ST3GAL5: variants seen among roughly 807,000 people sequenced by gnomAD.
ST3GAL5 encodes lactosylceramide alpha-2,3-sialyltransferase.
ST3GAL5 carries 25 observed loss-of-function variants against 46.1 expected under a neutral mutation model. That is an observed-to-expected ratio of 0.54 (90% CI 0.40 to 0.76). The LOEUF is 0.76. Among genes scored for constraint, ST3GAL5 ranks in the 30% least tolerant of loss-of-function variants. The probability of loss-of-function intolerance (pLI) is 0.00; values close to 1 mark genes in which losing one functional copy is unlikely to be tolerated. For missense variants in ST3GAL5, 431 were observed against 521.2 expected, an observed-to-expected ratio of 0.83 and a Z score of 1.69; for synonymous variants, 182 against 192.7, an observed-to-expected ratio of 0.94 and a Z score of 0.46.
chr2:85,865,509 TCTG>T (rs1298288479), intron 1 of ST3GAL5, among the ~76,000 whole-genome samples: 4 of 152,350 alleles, frequency 2.6e-5, no homozygotes, highest in African/African-American at 9.6e-5. Flanking sequence ...TGCTGAAGAA[TCTG>T]CTGAATTATT....
chr2:85,885,156 A>C, intron 1 of ST3GAL5, among the ~76,000 whole-genome samples: 1 of 152,234 alleles, frequency 6.6e-6, no homozygotes, highest in Non-Finnish European at 1.5e-5. Flanking sequence ...GATAATTTTT[A>C]GCAGAAATGC....
intron 3 of ST3GAL5, chr2:85,856,348 T>C (rs1000933343): frequency 2.0e-5 from 3 of 152,048 alleles, no homozygotes; most frequent in African/African-American, 7.2e-5. Flanking sequence ...GACCATGAAA[T>C]GAATAACATG....
intron 1 of ST3GAL5, among the ~76,000 whole-genome samples, chr2:85,885,607 T>C (rs149676108): frequency 0.02 from 3,099 of 152,090 alleles, 96 homozygotes; most frequent in African/African-American, 0.072. Flanking sequence ...GGTGGGCGGA[T>C]CACGAGGTCA....
intron 6 of ST3GAL5, among the ~76,000 whole-genome samples, chr2:85,841,846 A>G (rs568951079): frequency 6.6e-6 from 1 of 152,264 alleles, no homozygotes; most frequent in Non-Finnish European, 1.5e-5. Flanking sequence ...AGCCTTGGGT[A>G]AAAACAGTAC....
chr2:85,860,170 TA>T (rs1187238037), intron 3 of ST3GAL5, among the ~76,000 whole-genome samples: 1 of 152,218 alleles, frequency 6.6e-6, no homozygotes, highest in African/African-American at 2.4e-5. Flanking sequence ...CTAATATTAC[TA>T]ATACACTTTT....
chr2:85,878,723 A>G (rs1686843790), intron 1 of ST3GAL5, among the ~76,000 whole-genome samples: 1 of 152,212 alleles, frequency 6.6e-6, no homozygotes, highest in African/African-American at 2.4e-5. Flanking sequence ...TCCTCTTTAA[A>G]TGAATAATCC....
intron 1 of ST3GAL5, among the ~76,000 whole-genome samples, chr2:85,884,819 C>A (rs1687570830): frequency 6.6e-6 from 1 of 152,178 alleles, no homozygotes; most frequent in Non-Finnish European, 1.5e-5. Flanking sequence ...GAACTCAATA[C>A]ACATAAGCTC....
At chr2:85,868,348 C>T (rs1288200403) in intron 1 of ST3GAL5, among the ~76,000 whole-genome samples, 3 of 152,222 alleles carry the variant, frequency 2.0e-5, no homozygotes, top group Non-Finnish European at 4.4e-5. Context: ...GTCACCCTGG[C>T]TGGAGTACAG....
At chr2:85,874,586 T>C (rs187659130) in intron 1 of ST3GAL5, among the ~76,000 whole-genome samples, 129 of 152,138 alleles carry the variant, frequency 8.5e-4, no homozygotes, top group Non-Finnish European at 1.5e-3. Context: ...ACCCCCTCAC[T>C]TTCCTGCTTT....
rs760869528 is a variant in ST3GAL5, at chr2:85,840,164, C to G, written c.1237G>C (p.Gly413Arg). The stretch of plus-strand genomic sequence containing the variant: ...TGTGTTCAAAATTCACGATCAATGC[C>G]TCCACTGAGATCTTTCACCACTCCC... ...KEGVVKDLSG[G>R]IDREF Residue 413 changes from glycine (G) to arginine (R), a missense_variant, in exon 7 of 7, where the codon GGC becomes CGC. By Grantham distance (125) the Gly-to-Arg change is moderately radical. Coordinates refer to ENST00000638572, the MANE Select transcript of ST3GAL5 (RefSeq NM_003896.4). 2 of 1,614,206 alleles carry G rather than the reference C, an allele frequency of 1.2e-6. No homozygotes were observed. The highest frequency in any genetic ancestry group is 1.7e-6 in the Non-Finnish European group (2 of 1,180,036).
chr2:85,859,371 G>GGATGTCT (rs1265272974), intron 3 of ST3GAL5, among the ~76,000 whole-genome samples: 3 of 152,176 alleles, frequency 2.0e-5, no homozygotes, highest in Non-Finnish European at 4.4e-5. Flanking sequence ...AACAGAGACA[G>GGATGTCT]GATGTCTAAA....
intron 1 of ST3GAL5, among the ~76,000 whole-genome samples, chr2:85,874,332 G>A (rs1210585986): frequency 1.3e-5 from 2 of 152,142 alleles, no homozygotes; most frequent in Non-Finnish European, 2.9e-5. Flanking sequence ...CAGCACGCAC[G>A]ATGGGATTTC....
At position 85,863,413 on chromosome 2, in the gene ST3GAL5, C is replaced by T. The variant is rs141917910; in HGVS notation, c.155G>A (p.Arg52Gln). 1.8e-4 allele frequency: 286 copies of T among 1,614,160 alleles called. 1 individual carries two copies. In the African/African-American group the frequency reaches 2.9e-3, roughly 16 times the overall value. Residue 52 changes from arginine (R) to glutamine (Q), a missense_variant, in exon 2 of 7, where the codon CGA (arginine) becomes CAA (glutamine). By Grantham distance (43) the Arg-to-Gln change is conservative. Transcript: ENST00000638572. ...CSRPSLQWYT[R>Q]AQSKMRRPSL... Reference sequence around the variant, plus strand: ...GGGCCTTCTCATCTTGCTTTGAGCTCGGGTGTACCATTGCAGGGAAGGCCT... The same window carrying T: ...GGGCCTTCTCATCTTGCTTTGAGCTTGGGTGTACCATTGCAGGGAAGGCCT...
At chr2:85,852,779 A>T (rs1272799590) in intron 3 of ST3GAL5, 3 of 823,730 alleles carry the variant, frequency 3.6e-6, no homozygotes, top group Non-Finnish European at 5.2e-6. Context: ...TGGAGGCTGG[A>T]CTCAGTTCTA....
chr2:85,888,166 G>A (rs1431733349), intron 1 of ST3GAL5: 1 of 152,284 alleles, frequency 6.6e-6, no homozygotes, highest in African/African-American at 2.4e-5. Flanking sequence ...AGGTCACCAA[G>A]CGGGTGTGAG....
intron 3 of ST3GAL5, chr2:85,852,738 A>G (rs189763132): frequency 1.4e-5 from 7 of 498,168 alleles, no homozygotes; most frequent in Non-Finnish European, 1.3e-5. Context: ...TCATCCCATC[A>G]ACTGTTAGAA....
chr2:85,888,855 C>T lies in ST3GAL5; in HGVS notation c.51G>A (p.Arg17=), dbSNP rs1688070779. ...GCAERRPLQP[R]TEAAAAPAGR... ...CGGCAGGTGCCGCCGCTGCCTCGGT[C>T]CGCGGCTGCAGGGGACGCCGCTCCG... The change falls in exon 1 of 7, where the codon CGG becomes CGA. Residue 17 remains arginine, a synonymous_variant. Transcript: ENST00000638572. The T allele has an allele frequency of 2.2e-6, 3 of 1,347,368 alleles. No homozygotes were observed. The highest frequency in any genetic ancestry group is 1.9e-6 in the Non-Finnish European group (2 of 1,042,968). 83.5% of individuals were successfully genotyped at this position (1,347,368 alleles called of 1,614,324 possible).
chr2:85,879,956 G>GAT (rs1686972032), intron 1 of ST3GAL5, among the ~76,000 whole-genome samples: 1 of 152,180 alleles, frequency 6.6e-6, no homozygotes, highest in Non-Finnish European at 1.5e-5. Flanking sequence ...CTATAAAAGT[G>GAT]ATATCACCAA....
intron 1 of ST3GAL5, among the ~76,000 whole-genome samples, chr2:85,883,126 G>A (rs113500428): frequency 0.018 from 2,789 of 152,176 alleles, 77 homozygotes; most frequent in African/African-American, 0.063. Context: ...GATTTGGAGG[G>A]GCCAGGGGAG....
Sources: allele counts gnomAD v4.1 joint callset (sites outside exome capture counted in the v4.1 genomes callset), GRCh38; gene constraint gnomAD v4.1.1; transcripts MANE v1.5; gene names NCBI Gene and HGNC (gene_info 2026-07-23, HGNC 2026-07-21).